Variants in PCCA observed in about 807,000 individuals in gnomAD.
PCCA encodes propionyl-CoA carboxylase subunit alpha.
In PCCA, 74 loss-of-function variants were observed where a neutral mutation model predicts 101.3. The observed-to-expected ratio is 0.73, with a 90% confidence interval of 0.61 to 0.89. The LOEUF (loss-of-function observed/expected upper bound fraction) is 0.89. Ranked by LOEUF, PCCA falls within the 40% of genes least tolerant of loss-of-function variation. The pLI is 0.00. For missense variants in PCCA, 891 were observed against 907.0 expected, an observed-to-expected ratio of 0.98 and a Z score of 0.23; for synonymous variants, 294 against 313.6, an observed-to-expected ratio of 0.94 and a Z score of 0.66.
chr13:100,103,642 T>G (rs1289146775), intron 2 of PCCA, among the ~76,000 whole-genome samples: 1 of 150,628 alleles, frequency 6.6e-6, no homozygotes, highest in Non-Finnish European at 1.5e-5. Flanking sequence ...TATTATTTAT[T>G]TATTTATTTG....
intron 19 of PCCA, among the ~76,000 whole-genome samples, chr13:100,374,209 G>A (rs545079952): frequency 7.9e-5 from 12 of 152,232 alleles, no homozygotes; most frequent in East Asian, 1.9e-4. Flanking sequence ...AGTGTTAATC[G>A]TAGGAGAAGT....
chr13:100,090,563 T>A (rs2046186840), intron 1 of PCCA, among the ~76,000 whole-genome samples: 1 of 152,196 alleles, frequency 6.6e-6, no homozygotes, highest in African/African-American at 2.4e-5. Flanking sequence ...ATATCTCCTG[T>A]CTTCCACTTC....
intron 6 of PCCA, among the ~76,000 whole-genome samples, chr13:100,204,048 C>G (rs1402090139): frequency 1.3e-5 from 2 of 152,048 alleles, no homozygotes; most frequent in South Asian, 2.1e-4. Context: ...CCTTTTCTAC[C>G]AGAAACACTC....
intron 21 of PCCA, chr13:100,481,121 G>A (rs1380034183): frequency 2.0e-5 from 3 of 152,076 alleles, no homozygotes; most frequent in Non-Finnish European, 4.4e-5. Context: ...GATTCTTACT[G>A]TAGATCTTAG....
Position 100,111,917 on chromosome 13 carries a change from T to A in PCCA, c.231+29T>A, listed in dbSNP as rs184412459. ...AGTAGAATTTTCGTCTTATTTTCCA[T>A]TTTACTCTGAAATTATTTATTAAAC... On this transcript the variant is annotated intron_variant, in intron 3 of 23. Transcript: ENST00000376285. 3.6e-3 allele frequency: 5,696 copies of A among 1,597,622 alleles called. 17 individuals carry two copies. The highest frequency in any genetic ancestry group is 4.3e-3 in the Non-Finnish European group (5,058 of 1,166,318).
At chr13:100,232,008 C>G (rs898585528) in intron 7 of PCCA, among the ~76,000 whole-genome samples, 13 of 152,268 alleles carry the variant, frequency 8.5e-5, no homozygotes, top group African/African-American at 3.1e-4. Context: ...TACCCCCGCC[C>G]CCAGTATATA....
At chr13:100,116,749 G>A (rs1220010844) in intron 4 of PCCA, among the ~76,000 whole-genome samples, 2 of 152,156 alleles carry the variant, frequency 1.3e-5, no homozygotes, top group South Asian at 2.1e-4. Context: ...TAGATAAGGA[G>A]TTGGCAACCT....
chr13:100,360,402 G>C (rs536380913), intron 18 of PCCA, among the ~76,000 whole-genome samples: 10 of 152,178 alleles, frequency 6.6e-5, no homozygotes, highest in African/African-American at 2.2e-4. Context: ...CCTGAAATGG[G>C]CTCACCCCTG....
rs564006028 is a variant in PCCA at position 100,198,203 on chromosome 13, C to T, written c.469-11129C>T. ...GGTGGTACCCAGACCTTTACAGAGC[C>T]GGTCTCCATAATACTGGTGCAGGTG... is the stretch of plus-strand genomic sequence containing the variant. On this transcript the variant is annotated intron_variant, in intron 6 of 23. Coordinates refer to ENST00000376285, the MANE Select transcript of PCCA (RefSeq NM_000282.4). The T allele has an allele frequency of 4.6e-5, 7 of 152,338 alleles. No individual in the cohort carries two copies. In the South Asian group the frequency reaches 6.2e-4, roughly 14 times the overall value. 9.4% of individuals were successfully genotyped at this position (152,338 alleles called of 1,614,324 possible).
chr13:100,411,006 G>A (rs538192418), intron 19 of PCCA, among the ~76,000 whole-genome samples: 6 of 152,244 alleles, frequency 3.9e-5, no homozygotes, highest in Admixed American at 2.0e-4. Context: ...TCTTTGAAGG[G>A]AGTTGCAAAT....
chr13:100,524,867 G>T (rs2087625303), intron 22 of PCCA, among the ~76,000 whole-genome samples: 1 of 152,108 alleles, frequency 6.6e-6, no homozygotes. Flanking sequence ...CCGAGATTCT[G>T]TCTCTAAGAT....
chr13:100,248,215 T>G (rs945618934), intron 8 of PCCA, among the ~76,000 whole-genome samples: 2 of 152,114 alleles, frequency 1.3e-5, no homozygotes, highest in South Asian at 2.1e-4. Flanking sequence ...ATATTTTGAT[T>G]TATTTATATA....
At chr13:100,277,322 A>T (rs2063736364) in intron 12 of PCCA, among the ~76,000 whole-genome samples, 1 of 152,116 alleles carries the variant, frequency 6.6e-6, no homozygotes, top group Non-Finnish European at 1.5e-5. Flanking sequence ...TATAGCTTAT[A>T]TTCATAGTCC....
rs149008571 is a variant in PCCA, at chr13:100,424,515, C to G, written c.1747-1118C>G. Among the ~76,000 whole-genome samples, 1,167 of 152,280 alleles carry G rather than the reference C, an allele frequency of 7.7e-3. 15 individuals carry two copies. The highest frequency in any genetic ancestry group is 0.026 in the African/African-American group (1,092 of 41,552). Reference sequence around the variant, plus strand: ...GCCATGCTGCGCTGTTGCTGCCACGCCATATTCAGAATGCCACAAAACTGA... The same window carrying G: ...GCCATGCTGCGCTGTTGCTGCCACGGCATATTCAGAATGCCACAAAACTGA... On this transcript the variant is annotated intron_variant, in intron 19 of 23. Coordinates refer to ENST00000376285, the MANE Select transcript of PCCA (RefSeq NM_000282.4).
At chr13:100,487,083 G>A (rs536451287) in intron 21 of PCCA, among the ~76,000 whole-genome samples, 2 of 152,256 alleles carry the variant, frequency 1.3e-5, no homozygotes, top group African/African-American at 2.4e-5. Context: ...ATACACCAAG[G>A]TAAAGGAGTT....
intron 6 of PCCA, among the ~76,000 whole-genome samples, chr13:100,184,281 T>G (rs534849186): frequency 1.3e-5 from 2 of 152,220 alleles, no homozygotes; most frequent in Non-Finnish European, 2.9e-5. Context: ...TTCCTGTCTC[T>G]TGATTGTTGC....
At chr13:100,500,473 C>A (rs1358451909) in intron 21 of PCCA, among the ~76,000 whole-genome samples, 2 of 152,016 alleles carry the variant, frequency 1.3e-5, no homozygotes, top group African/African-American at 4.8e-5. Flanking sequence ...TGTTAGCTTC[C>A]CCATAGTTTT....
intron 6 of PCCA, among the ~76,000 whole-genome samples, chr13:100,184,299 T>C (rs1566656288): frequency 6.6e-6 from 1 of 152,226 alleles, no homozygotes; most frequent in Non-Finnish European, 1.5e-5. Context: ...TGCTGTTTCC[T>C]CAGTACCTAG....
At chr13:100,489,941 A>G (rs1189790165) in intron 21 of PCCA, 2 of 152,350 alleles carry the variant, frequency 1.3e-5, no homozygotes, top group East Asian at 3.9e-4. Flanking sequence ...TTCTAGGAGC[A>G]CGGGGCTCAG....
Sources: gnomAD v4.1 joint callset for allele counts (sites outside exome capture counted in the v4.1 genomes callset) on GRCh38, gnomAD v4.1.1 for gene constraint, MANE v1.5 for transcripts, NCBI Gene and HGNC (gene_info 2026-07-23, HGNC 2026-07-21) for gene names.